CCDC91: variants seen among roughly 807,000 people sequenced by gnomAD.
The protein encoded by CCDC91 is coiled-coil domain-containing protein 91.
In CCDC91, 48 loss-of-function variants were observed where a neutral mutation model predicts 63.2. The observed-to-expected ratio is 0.76, with a 90% confidence interval of 0.60 to 0.97. The LOEUF is 0.97. Ranked by LOEUF, CCDC91 falls within the 50% of genes least tolerant of loss-of-function variation. The pLI is 0.00. For synonymous variants in CCDC91, 167 were observed against 165.8 expected (o/e 1.01, Z -0.06); for missense variants, 500 against 494.6 (o/e 1.01, Z -0.10).
At position 28,305,676 on chromosome 12, in the gene CCDC91, C is replaced by T; in HGVS notation, c.137C>T (p.Ser46Phe). The change falls in exon 4 of 13, where the codon TCT (serine) becomes TTT (phenylalanine). Residue 46 changes from serine to phenylalanine, a missense_variant. Transcript: ENST00000536442. ...AVSGVHLSPS[S>F]PEIVLDRDHS... ...TCTGGAGTCCATCTTTCACCATCTTCTCCTGAGATTGTACTGGACCGTGAC... is the reference window on the plus strand; with the variant it reads ...TCTGGAGTCCATCTTTCACCATCTTTTCCTGAGATTGTACTGGACCGTGAC... The T allele has an allele frequency of 1.2e-6, 2 of 1,612,594 alleles. No individual in the cohort carries two copies. Among genetic ancestry groups the T allele is most frequent in the Non-Finnish European group, 1.7e-6 (2 of 1,179,194 alleles).
chr12:28,412,069 A>T (rs1947352455), intron 8 of CCDC91, among the ~76,000 whole-genome samples: 1 of 152,226 alleles, frequency 6.6e-6, no homozygotes, highest in Non-Finnish European at 1.5e-5. Flanking sequence ...ACAGTTGCCC[A>T]GTGTATTTAG....
chr12:28,313,840 G>T (rs12370271), intron 6 of CCDC91, among the ~76,000 whole-genome samples: 27,939 of 151,870 alleles, frequency 0.18, 3,380 homozygotes, highest in Non-Finnish European at 0.27. Context: ...AACTTGAATA[G>T]AGAACTCCTC....
At chr12:28,478,223 T>G (rs1233613239) in intron 11 of CCDC91, among the ~76,000 whole-genome samples, 1 of 152,172 alleles carries the variant, frequency 6.6e-6, no homozygotes, top group Non-Finnish European at 1.5e-5. Flanking sequence ...ACTCCAAGGC[T>G]GCAATAACCA....
intron 12 of CCDC91, among the ~76,000 whole-genome samples, chr12:28,490,545 A>G (rs1313942964): frequency 6.6e-6 from 1 of 151,918 alleles, no homozygotes; most frequent in Non-Finnish European, 1.5e-5. Flanking sequence ...AGTACTAACC[A>G]TCTTGCCAAA....
At chr12:28,444,455 C>T (rs193152691) in intron 8 of CCDC91, among the ~76,000 whole-genome samples, 15 of 152,184 alleles carry the variant, frequency 9.9e-5, no homozygotes, top group South Asian at 6.2e-4. Context: ...ATAAGTCCCG[C>T]GGAGGTACTT....
At chr12:28,512,432 A>G (rs945437104) in intron 12 of CCDC91, among the ~76,000 whole-genome samples, 3 of 151,874 alleles carry the variant, frequency 2.0e-5, no homozygotes, top group Admixed American at 6.6e-5. Flanking sequence ...CAAGCAAGAC[A>G]TATTTACTAA....
At chr12:28,439,841 G>A (rs184357480) in intron 8 of CCDC91, among the ~76,000 whole-genome samples, 1 of 150,600 alleles carries the variant, frequency 6.6e-6, no homozygotes, top group East Asian at 2.0e-4. Flanking sequence ...CCAAAGGAGG[G>A]GAAAACAACT....
At chr12:28,411,085 G>C (rs1049284962) in intron 8 of CCDC91, among the ~76,000 whole-genome samples, 2 of 152,054 alleles carry the variant, frequency 1.3e-5, no homozygotes, top group Non-Finnish European at 2.9e-5. Context: ...CTACTGTGTG[G>C]TAATGCATAA....
intron 11 of CCDC91, among the ~76,000 whole-genome samples, chr12:28,465,115 G>A (rs1388992893): frequency 6.6e-6 from 1 of 152,194 alleles, no homozygotes; most frequent in Non-Finnish European, 1.5e-5. Context: ...ATTGGGTGAG[G>A]CTCCTCTACC....
intron 3 of CCDC91, among the ~76,000 whole-genome samples, chr12:28,270,421 G>A (rs1290743755): frequency 1.3e-5 from 2 of 152,046 alleles, no homozygotes; most frequent in East Asian, 3.9e-4. Context: ...CTGGTTTGGA[G>A]GAAACTTTAA....
rs1168707241 is a variant in CCDC91 at position 28,267,868 on chromosome 12, TA to T, written c.109+8427del. On this transcript the variant is annotated intron_variant, in intron 3 of 12. Coordinates refer to ENST00000536442, the MANE Select transcript of CCDC91 (RefSeq NM_018318.5). Reference sequence around the variant, plus strand: ...AATTATATAGTAATATATAATTATATATAATTATATATAATTATTATAATTA... The same window carrying T: ...AATTATATAGTAATATATAATTATATTAATTATATATAATTATTATAATTA... Among the ~76,000 whole-genome samples, 39 of 56,702 alleles carry T rather than the reference TA, an allele frequency of 6.9e-4. 2 individuals carry two copies. The highest frequency in any genetic ancestry group is 3.3e-3 in the South Asian group (6 of 1,806). The allele number at this position is 56,702 out of a possible 152,430, so 37.2% of individuals were successfully genotyped here.
intron 1 of CCDC91, among the ~76,000 whole-genome samples, chr12:28,217,367 G>A (rs915359799): frequency 2.6e-5 from 4 of 152,070 alleles, no homozygotes; most frequent in Admixed American, 6.6e-5. Flanking sequence ...TGAGTTATAC[G>A]TAGCTTGTGG....
chr12:28,264,577 A>ATG (rs1565692952), intron 3 of CCDC91, among the ~76,000 whole-genome samples: 1 of 50,804 alleles, frequency 2.0e-5, no homozygotes. Flanking sequence ...ATATATATAT[A>ATG]TGTCTGTCTG....
chr12:28,217,886 C>T (rs1344055280), intron 1 of CCDC91, among the ~76,000 whole-genome samples: 4 of 152,122 alleles, frequency 2.6e-5, no homozygotes, highest in Admixed American at 6.5e-5. Flanking sequence ...ATAACTTTCA[C>T]TATCCGTGGC....
intron 1 of CCDC91, among the ~76,000 whole-genome samples, chr12:28,204,368 C>CA (rs1942689231): frequency 6.6e-6 from 1 of 152,092 alleles, no homozygotes; most frequent in African/African-American, 2.4e-5. Context: ...TTTTCATGCT[C>CA]ATATTAGCCA....
chr12:28,258,893 A>G (rs1424219941), intron 2 of CCDC91, among the ~76,000 whole-genome samples: 2 of 152,126 alleles, frequency 1.3e-5, no homozygotes, highest in Non-Finnish European at 1.5e-5. Flanking sequence ...ATTGAAAGCT[A>G]TTAACTCTAG....
intron 6 of CCDC91, among the ~76,000 whole-genome samples, chr12:28,330,955 C>G (rs1387716683): frequency 6.6e-6 from 1 of 152,148 alleles, no homozygotes; most frequent in Non-Finnish European, 1.5e-5. Context: ...ATTGTCATCA[C>G]AAGTAAGGAT....
chr12:28,350,390 T>G (rs1055873589), intron 6 of CCDC91, among the ~76,000 whole-genome samples: 1 of 152,324 alleles, frequency 6.6e-6, no homozygotes, highest in African/African-American at 2.4e-5. Flanking sequence ...GACAAGTAAT[T>G]ATTTTTAACA....
intron 11 of CCDC91, among the ~76,000 whole-genome samples, chr12:28,475,189 A>G (rs1295452587): frequency 1.3e-5 from 2 of 152,120 alleles, no homozygotes; most frequent in South Asian, 2.1e-4. Context: ...ACTCATTTTT[A>G]TCTGACTTGG....
Sources: gnomAD v4.1 joint callset for allele counts (sites outside exome capture counted in the v4.1 genomes callset) on GRCh38, gnomAD v4.1.1 for gene constraint, MANE v1.5 for transcripts, NCBI Gene and HGNC (gene_info 2026-07-23, HGNC 2026-07-21) for gene names.